SCYL2: variants seen among roughly 807,000 people sequenced by gnomAD.
SCYL2 encodes SCY1 like pseudokinase 2.
SCYL2 carries 36 observed loss-of-function variants against 100.4 expected under a neutral mutation model. The ratio of observed to expected loss-of-function variants is 0.36; its 90% confidence interval spans 0.27 to 0.47. The LOEUF (loss-of-function observed/expected upper bound fraction) is 0.47, where lower values mean the gene tolerates loss of function less well. Ranked by LOEUF, SCYL2 falls within the 20% of genes least tolerant of loss-of-function variation. SCYL2 has a pLI of 1.00. For missense variants in SCYL2, 902 were observed against 1,083.9 expected (o/e 0.83, Z 2.36); for synonymous variants, 330 against 359.2 (o/e 0.92, Z 0.92).
intron 1 of SCYL2, among the ~76,000 whole-genome samples, chr12:100,275,716 G>T (rs2096291831): frequency 6.6e-6 from 1 of 152,124 alleles, no homozygotes; most frequent in Admixed American, 6.6e-5. Flanking sequence ...CTGGAATATT[G>T]AATAGAAGTG....
At chr12:100,319,889 G>T (rs187548899) in intron 10 of SCYL2, among the ~76,000 whole-genome samples, 547 of 152,268 alleles carry the variant, frequency 3.6e-3, no homozygotes, top group Non-Finnish European at 6.4e-3. Flanking sequence ...CAAATAGTAG[G>T]CTAGAAAGTA....
intron 15 of SCYL2, 50 bp downstream of exon 15, chr12:100,335,741 T>C: frequency 6.3e-7 from 1 of 1,591,174 alleles, no homozygotes; most frequent in Non-Finnish European, 8.6e-7. Context: ...CTGGAGGGCT[T>C]TTAATCTTTA....
At chr12:100,268,639 C>A (rs1333896393) in intron 1 of SCYL2, among the ~76,000 whole-genome samples, 2 of 151,982 alleles carry the variant, frequency 1.3e-5, no homozygotes. Flanking sequence ...TCATAAATAC[C>A]CAGTAAAATA....
chr12:100,328,867 G>C (rs1363311488), intron 12 of SCYL2, among the ~76,000 whole-genome samples: 1 of 152,092 alleles, frequency 6.6e-6, no homozygotes, highest in Non-Finnish European at 1.5e-5. Flanking sequence ...TATATATTTA[G>C]ATGTTTCAGA....
chr12:100,314,286 C>G (rs889715728), intron 7 of SCYL2, among the ~76,000 whole-genome samples: 2 of 152,214 alleles, frequency 1.3e-5, no homozygotes, highest in Non-Finnish European at 2.9e-5. Context: ...CCAGCCAATT[C>G]ACAGGTACAG....
chr12:100,340,225 A>AT lies in SCYL2; in HGVS notation c.*1060dup, dbSNP rs1566376608. 1 of 152,432 alleles carries AT rather than the reference A, an allele frequency of 6.6e-6. No individual in the cohort carries two copies. The highest frequency in any genetic ancestry group is 6.6e-5 in the Admixed American group (1 of 15,244). The allele number at this position is 152,432 out of a possible 1,614,324, so 9.4% of individuals were successfully genotyped here. The stretch of plus-strand genomic sequence containing the variant: ...CATTAATTACTGCTACTGAAGTTCA[A>AT]TTTTTTTCTAGGAATTTTAGGAACC... On this transcript the variant is annotated 3_prime_UTR_variant, in exon 18 of 18. Transcript: ENST00000360820.
intron 4 of SCYL2, among the ~76,000 whole-genome samples, chr12:100,305,716 GTTTTT>G (rs144928837): frequency 1.6e-5 from 2 of 126,818 alleles, no homozygotes; most frequent in East Asian, 2.3e-4. Context: ...CTAGGAGCTG[GTTTTT>G]TTTTTTTTTT....
At chr12:100,291,750 G>A (rs1046454178) in intron 3 of SCYL2, 90 bp downstream of exon 3, 4 of 1,298,774 alleles carry the variant, frequency 3.1e-6, no homozygotes, top group Middle Eastern at 3.8e-4. Context: ...AGTATTGTCA[G>A]TGAAAAATTC....
intron 4 of SCYL2, among the ~76,000 whole-genome samples, chr12:100,302,268 GTCTCCCTAGA>G (rs2096328681): frequency 6.6e-6 from 1 of 152,158 alleles, no homozygotes; most frequent in African/African-American, 2.4e-5. Context: ...CCCAGTTGTT[GTCTCCCTAGA>G]TCTCCCTAGG....
chr12:100,289,914 T>C (rs769861544), intron 2 of SCYL2, among the ~76,000 whole-genome samples: 1 of 152,220 alleles, frequency 6.6e-6, no homozygotes, highest in Admixed American at 6.5e-5. Flanking sequence ...TCTTTCAAAG[T>C]TGATTCTTGA....
At chr12:100,269,175 G>A (rs2096284364) in intron 1 of SCYL2, among the ~76,000 whole-genome samples, 1 of 152,052 alleles carries the variant, frequency 6.6e-6, no homozygotes, top group Non-Finnish European at 1.5e-5. Flanking sequence ...TGCCCTACAA[G>A]CCCTGCATAG....
intron 1 of SCYL2, among the ~76,000 whole-genome samples, chr12:100,271,494 C>G (rs565944696): frequency 1.3e-5 from 2 of 152,204 alleles, no homozygotes; most frequent in East Asian, 3.9e-4. Flanking sequence ...ATGGTATTCT[C>G]TTATTTTCAG....
chr12:100,292,713 T>A (rs1030960071), intron 3 of SCYL2, among the ~76,000 whole-genome samples: 1 of 152,200 alleles, frequency 6.6e-6, no homozygotes, highest in Non-Finnish European at 1.5e-5. Context: ...AGAAACTGTA[T>A]GGTTTTAAGT....
rs777482438 is a variant in SCYL2, at chr12:100,315,603, G to A, written c.1141G>A (p.Val381Ile). The A allele has an allele frequency of 6.2e-7, 1 of 1,607,700 alleles. No individual in the cohort carries two copies. The highest frequency in any genetic ancestry group is 1.7e-5 in the Admixed American group (1 of 59,846). ...TTTGCCTTGTTTGACTTCAGAATTT[G>A]TAAACCCTGACATGGTACCTTTTGT... ...RILPCLTSEF[V>I]NPDMVPFVLP... Residue 381 changes from valine to isoleucine, a missense_variant, in exon 9 of 18, where the codon GTA (valine) becomes ATA (isoleucine). Val to Ile is a conservative substitution (Grantham distance 29). Coordinates refer to ENST00000360820, the MANE Select transcript of SCYL2 (RefSeq NM_017988.6).
intron 11 of SCYL2, among the ~76,000 whole-genome samples, chr12:100,326,271 A>C (rs1350214460): frequency 1.3e-5 from 2 of 152,170 alleles, no homozygotes; most frequent in Non-Finnish European, 2.9e-5. Context: ...CAAAGAATGT[A>C]GTCCTTTTTA....
At chr12:100,329,397 A>G in intron 13 of SCYL2, 78 bp downstream of exon 13, 1 of 679,250 alleles carries the variant, frequency 1.5e-6, no homozygotes, top group South Asian at 2.0e-5. Flanking sequence ...TATATTACAA[A>G]GATTGGTTAA....
At chr12:100,333,110 T>G (rs1433095877) in intron 13 of SCYL2, among the ~76,000 whole-genome samples, 3 of 151,908 alleles carry the variant, frequency 2.0e-5, no homozygotes, top group African/African-American at 7.3e-5. Context: ...CACTTTGACA[T>G]GTAGACTTTT....
rs1346465304 is a variant in SCYL2, at chr12:100,294,151, C to CG, written c.335+2497dup. On this transcript the variant is annotated intron_variant, in intron 3 of 17. Transcript: ENST00000360820. ...CTCCCGGACGGGGCGGCTGGCCGGG[C>CG]GGGGGGCTGACTCCCCCACCTCCCT... 1.8e-4 allele frequency among the ~76,000 whole-genome samples: 24 copies of CG among 136,870 alleles called. 1 individual carries two copies. The highest frequency in any genetic ancestry group is 1.3e-3 in the Admixed American group (18 of 13,876). The allele number at this position is 136,870 out of a possible 152,430, so 89.8% of individuals were successfully genotyped here.
chr12:100,307,766 A>G (rs1032023007), intron 4 of SCYL2, among the ~76,000 whole-genome samples: 1 of 152,358 alleles, frequency 6.6e-6, no homozygotes, highest in Admixed American at 6.5e-5. Flanking sequence ...GCTAATATCC[A>G]GAATCTACAA....
Sources: gnomAD v4.1 joint callset for allele counts (sites outside exome capture counted in the v4.1 genomes callset) on GRCh38, gnomAD v4.1.1 for gene constraint, MANE v1.5 for transcripts, NCBI Gene and HGNC (gene_info 2026-07-23, HGNC 2026-07-21) for gene names.